Variants in REC114 observed in about 807,000 individuals in gnomAD.
The protein encoded by REC114 is REC114 meiotic recombination protein, also known as meiotic recombination protein REC114.
In REC114, 27 loss-of-function variants were observed where a neutral mutation model predicts 31.3. The observed-to-expected ratio is 0.86, with a 90% CI of 0.64 to 1.19. REC114 has a LOEUF of 1.19. Among genes scored for constraint, REC114 ranks in the 50% most tolerant of loss-of-function variants. REC114 has a pLI of 0.00. For missense variants in REC114, 344 were observed against 326.9 expected (o/e 1.05, Z -0.40); for synonymous variants, 134 against 127.7 (o/e 1.05, Z -0.33).
intron 5 of REC114, 34 bp downstream of exon 5, chr15:73,556,425 ATGAGAAGCAG>A: frequency 6.4e-7 from 1 of 1,571,148 alleles, no homozygotes; most frequent in Non-Finnish European, 8.7e-7. Context: ...TTTTCTTGTC[ATGAGAAGCAG>A]TGACCCCTAA....
At position 73,453,957 on chromosome 15, in the gene REC114, G is replaced by A. The variant is rs867081528; in HGVS notation, c.159+10613G>A. 8.6e-5 allele frequency among the ~76,000 whole-genome samples: 13 copies of A among 150,766 alleles called. 1 individual carries two copies. The East Asian group carries it at 1.2e-3, about 14-fold the overall frequency. Reference sequence around the variant, plus strand: ...ACATGGGTGGGGGGCATCACACACCGGGGTCTGTAGGGGAGTGGGGGGCTG... The same window carrying A: ...ACATGGGTGGGGGGCATCACACACCAGGGTCTGTAGGGGAGTGGGGGGCTG... On this transcript the variant is annotated intron_variant, in intron 1 of 5. Coordinates refer to ENST00000331090, the MANE Select transcript of REC114 (RefSeq NM_001042367.2).
chr15:73,522,168 T>C (rs1431379607), intron 2 of REC114, among the ~76,000 whole-genome samples: 4 of 152,144 alleles, frequency 2.6e-5, no homozygotes, highest in Non-Finnish European at 5.9e-5. Flanking sequence ...ATACACACAC[T>C]CCTTCAGCCA....
At chr15:73,506,893 A>G (rs1412251897) in intron 2 of REC114, among the ~76,000 whole-genome samples, 1 of 152,248 alleles carries the variant, frequency 6.6e-6, no homozygotes, top group Non-Finnish European at 1.5e-5. Flanking sequence ...ACGTAAAAGT[A>G]GAAAACTTTG....
intron 1 of REC114, among the ~76,000 whole-genome samples, chr15:73,459,261 A>C (rs1892957487): frequency 6.7e-6 from 1 of 148,288 alleles, no homozygotes; most frequent in Non-Finnish European, 1.5e-5. Context: ...ACAGAGTCTC[A>C]CTCTGGCACT....
At chr15:73,469,811 A>G (rs988455919) in intron 1 of REC114, among the ~76,000 whole-genome samples, 4 of 150,964 alleles carry the variant, frequency 2.6e-5, no homozygotes, top group African/African-American at 9.8e-5. Flanking sequence ...CAGCCTCCCG[A>G]GTAGCTGGGA....
At chr15:73,483,813 G>A (rs2141298464) in intron 2 of REC114, 1 of 152,474 alleles carries the variant, frequency 6.6e-6, no homozygotes, top group East Asian at 1.9e-4. Context: ...GCTGCAGCCT[G>A]GAGGAGGAGA....
chr15:73,478,608 A>C (rs115098715), intron 2 of REC114, among the ~76,000 whole-genome samples: 1,565 of 152,288 alleles, frequency 0.01, 25 homozygotes, highest in African/African-American at 0.036. Context: ...CATTTCCTAC[A>C]AAAAAGCTTG....
intron 2 of REC114, among the ~76,000 whole-genome samples, chr15:73,529,082 T>G (rs1894041886): frequency 6.6e-6 from 1 of 152,056 alleles, no homozygotes; most frequent in South Asian, 2.1e-4. Context: ...TGATAATGAT[T>G]TTGTGATTAT....
chr15:73,534,645 A>G (rs1356249042), intron 2 of REC114, among the ~76,000 whole-genome samples: 1 of 152,216 alleles, frequency 6.6e-6, no homozygotes, highest in East Asian at 1.9e-4. Context: ...ATTCCAATCA[A>G]TACAAAAAGA....
At chr15:73,469,400 TC>T (rs1349961436) in intron 1 of REC114, among the ~76,000 whole-genome samples, 3 of 152,136 alleles carry the variant, frequency 2.0e-5, no homozygotes, top group African/African-American at 7.2e-5. Context: ...ATAAAACCAC[TC>T]CAGTTTTTAT....
At chr15:73,536,624 A>G (rs1456409916) in intron 2 of REC114, among the ~76,000 whole-genome samples, 1 of 152,200 alleles carries the variant, frequency 6.6e-6, no homozygotes, top group Non-Finnish European at 1.5e-5. Context: ...AGATTCAAAC[A>G]GGTGGATTTT....
intron 2 of REC114, among the ~76,000 whole-genome samples, chr15:73,529,588 G>C (rs532590983): frequency 1.5e-4 from 23 of 152,282 alleles, no homozygotes; most frequent in African/African-American, 4.8e-4. Flanking sequence ...AGATGGGTGC[G>C]TAGTGTGATG....
intron 1 of REC114, among the ~76,000 whole-genome samples, chr15:73,466,910 A>G (rs1276684895): frequency 6.6e-6 from 1 of 152,198 alleles, no homozygotes; most frequent in Non-Finnish European, 1.5e-5. Context: ...TTTTGAATCT[A>G]TCATTTAAAT....
chr15:73,469,869 A>G (rs1893109849), intron 1 of REC114, among the ~76,000 whole-genome samples: 1 of 151,848 alleles, frequency 6.6e-6, no homozygotes. Context: ...TATTTTTAGT[A>G]GAGATGGGGT....
chr15:73,479,966 T>C (rs1893270082), intron 2 of REC114, among the ~76,000 whole-genome samples: 1 of 152,212 alleles, frequency 6.6e-6, no homozygotes, highest in South Asian at 2.1e-4. Context: ...GTGGGATTGC[T>C]GGATCATATG....
At chr15:73,477,893 G>A (rs1011670264) in intron 2 of REC114, among the ~76,000 whole-genome samples, 8 of 152,018 alleles carry the variant, frequency 5.3e-5, no homozygotes, top group African/African-American at 1.7e-4. Flanking sequence ...ACTATATTAT[G>A]GAATGTAATC....
chr15:73,514,500 A>G (rs1292619926), intron 2 of REC114, among the ~76,000 whole-genome samples: 1 of 152,118 alleles, frequency 6.6e-6, no homozygotes. Flanking sequence ...CCTTTGACCC[A>G]ATTCTATTTC....
At chr15:73,556,158 C>G in intron 4 of REC114, 144 bp from the exon 5 acceptor site, 2 of 670,770 alleles carry the variant, frequency 3.0e-6, no homozygotes, top group Admixed American at 6.0e-5. Flanking sequence ...TAAACCAGGA[C>G]AGACCTATGC....
At chr15:73,460,872 A>G (rs562157699) in intron 1 of REC114, among the ~76,000 whole-genome samples, 1 of 152,238 alleles carries the variant, frequency 6.6e-6, no homozygotes, top group Non-Finnish European at 1.5e-5. Context: ...ATTTATGGCT[A>G]CTGATAATTC....
Sources: allele counts gnomAD v4.1 joint callset (sites outside exome capture counted in the v4.1 genomes callset), GRCh38; gene constraint gnomAD v4.1.1; transcripts MANE v1.5; gene names NCBI Gene and HGNC (gene_info 2026-07-23, HGNC 2026-07-21).